The following KDM4A variants were observed in gnomAD, a reference collection of about 807,000 sequenced individuals.
The protein encoded by KDM4A is lysine demethylase 4A.
In KDM4A, 23 loss-of-function variants were observed where a neutral mutation model predicts 127.1. The observed-to-expected ratio is 0.18, with a 90% CI of 0.13 to 0.26. The LOEUF (loss-of-function observed/expected upper bound fraction) is 0.26, where lower values mean the gene tolerates loss of function less well. Among genes scored for constraint, KDM4A ranks in the 10% least tolerant of loss-of-function variants. The pLI is 1.00. For missense variants in KDM4A, 890 were observed against 1,329.1 expected (o/e 0.67, Z 5.14); for synonymous variants, 443 against 466.5 (o/e 0.95, Z 0.65).
At position 43,705,412 on chromosome 1, in the gene KDM4A, T is replaced by C. The variant is rs1661529130; in HGVS notation, c.*1042T>C. On this transcript the variant is annotated 3_prime_UTR_variant, in exon 22 of 22. Transcript: ENST00000372396. ...ATACCCTGTGTATACAAGAATCAGA[T>C]TTATAATACTTCCCCTTTTTTGTTA... 1.3e-5 allele frequency: 2 copies of C among 152,606 alleles called. No homozygotes were observed. The highest frequency in any genetic ancestry group is 2.1e-4 in the South Asian group (1 of 4,832). 9.5% of individuals were successfully genotyped at this position (152,606 alleles called of 1,614,324 possible). A position where few individuals can be genotyped will look rare whatever the true frequency, so the allele number is the denominator to read the frequency against.
At chr1:43,695,376 T>A (rs1570873266) in intron 18 of KDM4A, among the ~76,000 whole-genome samples, 1 of 152,320 alleles carries the variant, frequency 6.6e-6, no homozygotes, top group South Asian at 2.1e-4. Context: ...GAGGATTGGG[T>A]AGACGGTGGC....
At chr1:43,658,502 A>ATT (rs10686056) in intron 3 of KDM4A, among the ~76,000 whole-genome samples, 37,343 of 131,614 alleles carry the variant, frequency 0.28, 5,699 homozygotes, top group East Asian at 0.43. Flanking sequence ...ACTTAGTCAG[A>ATT]TTTTTTTTTT....
At chr1:43,653,578 C>T in intron 2 of KDM4A, 1 of 272,020 alleles carries the variant, frequency 3.7e-6, no homozygotes, top group East Asian at 7.1e-5. Context: ...TGTGCCTCAG[C>T]CCTCTTGGTG....
chr1:43,694,849 T>G lies in KDM4A; in HGVS notation c.2625T>G (p.Phe875Leu), dbSNP rs745854894. The G allele has an allele frequency of 2.5e-6, 4 of 1,612,272 alleles. No homozygotes were observed. The highest frequency in any genetic ancestry group is 1.7e-4 in the Middle Eastern group (1 of 6,052). The stretch of plus-strand genomic sequence containing the variant: ...TGATGCAGCCTGACGACTGGCCTTT[T>G]GTGGTCTTCATTACCTGCTTTCGGC... ...GVMMQPDDWP[F>L]VVFITCFRHK... The change falls in exon 18 of 22, where the codon TTT becomes TTG. Residue 875 changes from phenylalanine (F) to leucine (L), a missense_variant. Transcript: ENST00000372396. This position sits in a 1 kb window ranked among gnomAD's most constrained non-coding sequence, Gnocchi z 5.2.
At chr1:43,695,858 G>A (rs1661229016) in intron 18 of KDM4A, among the ~76,000 whole-genome samples, 2 of 152,098 alleles carry the variant, frequency 1.3e-5, no homozygotes, top group Admixed American at 1.3e-4. Context: ...GAGGAGGAAA[G>A]GGGGAGTGAA....
chr1:43,656,329 G>GTTTTTTTTTTT (rs11438925), intron 3 of KDM4A, among the ~76,000 whole-genome samples: 1 of 54,154 alleles, frequency 1.8e-5, no homozygotes, highest in Non-Finnish European at 3.3e-5. Flanking sequence ...TCTGCTGTTG[G>GTTTTTTTTTTT]TTTTTTTTTT....
intron 8 of KDM4A, among the ~76,000 whole-genome samples, chr1:43,667,552 G>T (rs1045764414): frequency 6.6e-6 from 1 of 152,192 alleles, no homozygotes; most frequent in African/African-American, 2.4e-5. Context: ...TGCCCAGGTA[G>T]ATTTGCCCCA....
intron 5 of KDM4A, among the ~76,000 whole-genome samples, chr1:43,665,048 GT>G (rs929994149): frequency 1.3e-5 from 2 of 152,200 alleles, no homozygotes; most frequent in Admixed American, 1.3e-4. Context: ...AGAATATAAA[GT>G]TTAACAATTT....
chr1:43,656,666 T>C (rs1032281334), intron 3 of KDM4A, among the ~76,000 whole-genome samples: 1 of 151,720 alleles, frequency 6.6e-6, no homozygotes, highest in Non-Finnish European at 1.5e-5. Context: ...TGTTTAGTTC[T>C]CATTTTTCCT....
chr1:43,690,530 G>A (rs964148165), intron 13 of KDM4A: 1 of 402,018 alleles, frequency 2.5e-6, no homozygotes, highest in African/African-American at 2.0e-5. Flanking sequence ...TTACAGGCGT[G>A]AGCCACCTCA....
intron 19 of KDM4A, among the ~76,000 whole-genome samples, chr1:43,701,508 G>A (rs1661393069): frequency 6.6e-6 from 1 of 152,082 alleles, no homozygotes; most frequent in South Asian, 2.1e-4. Flanking sequence ...GTTTTTTAAA[G>A]ACAGGGTCCT....
At chr1:43,683,645 T>G (rs376927690) in intron 11 of KDM4A, 39 bp from the exon 12 acceptor site, 2 of 1,601,980 alleles carry the variant, frequency 1.2e-6, no homozygotes, top group African/African-American at 2.7e-5. Flanking sequence ...GTGTCTCAAG[T>G]GGAGACAAGA....
In KDM4A at chr1:43,704,819, G is replaced by T; in HGVS notation, c.*449G>T. ...CGTGCGTGCGTGTATGTTTGGTCTG[G>T]ACCAGCTTCTGCCAGCCCCTGGCCT... is the stretch of plus-strand genomic sequence containing the variant. On this transcript the variant is annotated 3_prime_UTR_variant, in exon 22 of 22. Coordinates refer to ENST00000372396, the MANE Select transcript of KDM4A (RefSeq NM_014663.3). The T allele has an allele frequency of 6.1e-6, 1 of 162,742 alleles. No individual in the cohort carries two copies. Among genetic ancestry groups the T allele is most frequent in the South Asian group, 1.7e-4 (1 of 6,008 alleles). The allele number at this position is 162,742 out of a possible 1,614,324, so 10.1% of individuals were successfully genotyped here.
At chr1:43,655,524 G>T in intron 2 of KDM4A, 67 bp from the exon 3 acceptor site, 1 of 1,407,774 alleles carries the variant, frequency 7.1e-7, no homozygotes. Flanking sequence ...GTAACTACAT[G>T]CTTCCTGGAC....
At chr1:43,681,518 T>A (rs1296181339) in intron 11 of KDM4A, among the ~76,000 whole-genome samples, 2 of 152,222 alleles carry the variant, frequency 1.3e-5, no homozygotes, top group East Asian at 1.9e-4. Flanking sequence ...TTGTGTACCC[T>A]ACACAGCTTG....
intron 20 of KDM4A, 140 bp downstream of exon 20, chr1:43,703,876 C>A: frequency 7.4e-7 from 1 of 1,343,342 alleles, no homozygotes; most frequent in East Asian, 2.3e-5. Context: ...TGCCCTGTTT[C>A]CAGTCTGCCA....
chr1:43,663,233 C>G (rs570850056), intron 5 of KDM4A, 146 bp downstream of exon 5: 2 of 680,590 alleles, frequency 2.9e-6, no homozygotes, highest in East Asian at 5.8e-5. Flanking sequence ...AACACACTTT[C>G]AAGTGCTAAG....
In KDM4A at chr1:43,669,186, A is replaced by G; in HGVS notation, c.1250A>G (p.Lys417Arg). 5 of 1,614,192 alleles carry G rather than the reference A, an allele frequency of 3.1e-6. No individual in the cohort carries two copies. Among genetic ancestry groups the G allele is most frequent in the Non-Finnish European group, 4.2e-6 (5 of 1,180,034 alleles). The change falls in exon 10 of 22, where the codon AAG becomes AGG. Residue 417 changes from lysine to arginine, a missense_variant. Lys to Arg is a conservative substitution (Grantham distance 26). Around this residue, in one of 7 missense-constraint regions of KDM4A, gnomAD observed 389 missense variants for 485.9 expected, o/e 0.80. Coordinates refer to ENST00000372396, the MANE Select transcript of KDM4A (RefSeq NM_014663.3). ...QEVSQSELFP[K>R]EDLSSEQYEM... is the part of the protein sequence containing the mutation. ...GTGAGTCAGAGTGAGCTCTTCCCCAAGGAGGATCTGAGTTCTGAGCAGTAT... is the reference window on the plus strand; with the variant it reads ...GTGAGTCAGAGTGAGCTCTTCCCCAGGGAGGATCTGAGTTCTGAGCAGTAT...
chr1:43,703,541 T>G, intron 19 of KDM4A, 76 bp from the exon 20 acceptor site: 1 of 1,570,458 alleles, frequency 6.4e-7, no homozygotes, highest in Non-Finnish European at 8.7e-7. Context: ...TGGTTCACTC[T>G]TCCCTGAGTA....
Sources: gnomAD v4.1 joint callset for allele counts (sites outside exome capture counted in the v4.1 genomes callset) on GRCh38, gnomAD v4.1.1 for gene constraint, gnomAD v4.1.1 regional missense constraint, Gnocchi (gnomAD v3.1) non-coding constraint, MANE v1.5 for transcripts, NCBI Gene and HGNC (gene_info 2026-07-23, HGNC 2026-07-21) for gene names.